The following KIAA0408 variants were observed in gnomAD, a reference collection of about 807,000 sequenced individuals.
KIAA0408 encodes KIAA0408.
Under a neutral mutation model 60.9 loss-of-function variants are expected in KIAA0408, and 51 were observed. The observed-to-expected ratio is 0.84, with a 90% CI of 0.67 to 1.06. KIAA0408 has a LOEUF of 1.06. Among genes scored for constraint, KIAA0408 ranks in the 50% least tolerant of loss-of-function variants. The pLI, the probability that KIAA0408 is intolerant of heterozygous loss-of-function variation, is 0.00. For synonymous variants in KIAA0408, 304 were observed against 282.4 expected, an observed-to-expected ratio of 1.08 and a Z score of -0.77; for missense variants, 787 against 833.9, an observed-to-expected ratio of 0.94 and a Z score of 0.69.
chr6:127,444,171 C>T lies in KIAA0408; in HGVS notation c.2023G>A (p.Ala675Thr). 6.2e-7 allele frequency: 1 copy of T among 1,613,848 alleles called. No individual in the cohort carries two copies. The highest frequency in any genetic ancestry group is 8.5e-7 in the Non-Finnish European group (1 of 1,179,914). Reference sequence around the variant, plus strand: ...TAGTTGTGGGTAGTTCTCCGCAAGGCAGGGGGTGCAGATGGAGATCTGGAT... The same window carrying T: ...TAGTTGTGGGTAGTTCTCCGCAAGGTAGGGGGTGCAGATGGAGATCTGGAT... Reference protein sequence around the residue: ...WASRSPSAPPALRRTTHNYTI... With the variant: ...WASRSPSAPPTLRRTTHNYTI... The change falls in exon 6 of 6, where the codon GCC becomes ACC. Residue 675 changes from alanine to threonine, a missense_variant. By Grantham distance (58) the Ala-to-Thr change is moderately conservative. This residue lies in a region of KIAA0408 where 133 missense variants were observed against 119.2 expected (regional missense o/e 1.12). Coordinates refer to ENST00000483725, the MANE Select transcript of KIAA0408 (RefSeq NM_014702.5).
intron 1 of KIAA0408, among the ~76,000 whole-genome samples, chr6:127,456,123 T>G (rs946882850): frequency 6.6e-5 from 10 of 152,180 alleles, no homozygotes; most frequent in African/African-American, 2.4e-4. Flanking sequence ...CCACTGGAAC[T>G]TCTTAGGAAG....
At position 127,442,261 on chromosome 6, in the gene KIAA0408, AGGAACAGATAGGTTGCACAGTCCTT is replaced by A. The variant is rs1773118721; in HGVS notation, c.*1823_*1847del. 6.6e-6 allele frequency: 1 copy of A among 152,222 alleles called. No individual in the cohort carries two copies. Among genetic ancestry groups the A allele is most frequent in the Admixed American group, 6.5e-5 (1 of 15,276 alleles). The allele number at this position is 152,222 out of a possible 1,614,324, so 9.4% of individuals were successfully genotyped here. A position where few individuals can be genotyped will look rare whatever the true frequency, so the allele number is the denominator to read the frequency against. Reference sequence around the variant, plus strand: ...GACTACTTGGGATACACTGGTGGAGAGGAACAGATAGGTTGCACAGTCCTTGGGCAGGCTCTCCATTGTCACACAA... The same window carrying A: ...GACTACTTGGGATACACTGGTGGAGAGGGCAGGCTCTCCATTGTCACACAA... On this transcript the variant is annotated 3_prime_UTR_variant, in exon 6 of 6. Coordinates refer to ENST00000483725, the MANE Select transcript of KIAA0408 (RefSeq NM_014702.5).
Position 127,453,942 on chromosome 6 carries a change from A to T in KIAA0408, c.40T>A (p.Trp14Arg). Residue 14 changes from tryptophan to arginine, a missense_variant, in exon 2 of 6, where the codon TGG becomes AGG. Trp to Arg is a moderately radical substitution (Grantham distance 101). Coordinates refer to ENST00000483725, the MANE Select transcript of KIAA0408 (RefSeq NM_014702.5). ...AGTAATTCCATCTTTTCCTTATGCC[A>T]GTTAGTCTCTGTGTTCTCCCACTGC... ...HKQWENTETNWHKEKMELLDQ... is the reference protein window; with the variant it reads ...HKQWENTETNRHKEKMELLDQ... 6.2e-7 allele frequency: 1 copy of T among 1,612,914 alleles called. No homozygotes were observed. The highest frequency in any genetic ancestry group is 8.5e-7 in the Non-Finnish European group (1 of 1,179,208).
Position 127,444,264 on chromosome 6 carries a change from C to T in KIAA0408, c.1930G>A (p.Ala644Thr), listed in dbSNP as rs145129455. 3.4e-5 allele frequency: 54 copies of T among 1,594,636 alleles called. 1 individual carries two copies. Among genetic ancestry groups the T allele is most frequent in the Middle Eastern group, 3.4e-4 (2 of 5,944 alleles). ...CGGGAAAATCCTTTTCCATGTGAGG[C>T]GTTCACTGACATGGATTCCTAGGAC... ...KITEESMSVN[A>T]SHGKGFSRPA... Residue 644 changes from alanine (A) to threonine (T), a missense_variant, in exon 6 of 6, where the codon GCC (alanine) becomes ACC (threonine). By Grantham distance (58) the Ala-to-Thr change is moderately conservative. Transcript: ENST00000483725.
chr6:127,454,910 C>T lies in KIAA0408; in HGVS notation c.-120-809G>A, dbSNP rs754361090. 3.3e-5 allele frequency among the ~76,000 whole-genome samples: 5 copies of T among 151,928 alleles called. 1 individual carries two copies. Among genetic ancestry groups the T allele is most frequent in the East Asian group, 1.9e-4 (1 of 5,186 alleles). On this transcript the variant is annotated intron_variant, in intron 1 of 5. Transcript: ENST00000483725. The stretch of plus-strand genomic sequence containing the variant: ...TAATTAACTTTCTAGCCTTCAGGGA[C>T]GTGTACTTAAGGTTTGAAGTCAGAA...
chr6:127,447,968 C>T (rs1430349203), intron 4 of KIAA0408, among the ~76,000 whole-genome samples: 1 of 152,182 alleles, frequency 6.6e-6, no homozygotes, highest in East Asian at 1.9e-4. Context: ...CTGACTCAAA[C>T]TCTTTCCAAA....
Position 127,446,399 on chromosome 6 carries a change from C to A in KIAA0408, c.1911+9G>T. The A allele has an allele frequency of 1.3e-6, 2 of 1,595,796 alleles. No homozygotes were observed. Among genetic ancestry groups the A allele is most frequent in the Non-Finnish European group, 8.6e-7 (1 of 1,167,998 alleles). On this transcript the variant is annotated intron_variant, in intron 5 of 5. Coordinates refer to ENST00000483725, the MANE Select transcript of KIAA0408 (RefSeq NM_014702.5). ...ATGCTACCAAATTATGTTATATTTGCTTTCTCACCTCTGTTATCTTTTTCG... is the reference window on the plus strand; with the variant it reads ...ATGCTACCAAATTATGTTATATTTGATTTCTCACCTCTGTTATCTTTTTCG...
rs199636075 is a variant in KIAA0408 at position 127,453,870 on chromosome 6, T to C, written c.112A>G (p.Ile38Val). The change falls in exon 2 of 6, where the codon ATT (isoleucine) becomes GTT (valine). Residue 38 changes from isoleucine to valine, a missense_variant. Ile to Val is a conservative substitution (Grantham distance 29). This residue lies in a region of KIAA0408 where 640 missense variants were observed against 681.3 expected (regional missense o/e 0.94). Coordinates refer to ENST00000483725, the MANE Select transcript of KIAA0408 (RefSeq NM_014702.5). ...ERKEWESQWK[I>V]MQKKIEELCR... is the part of the protein sequence containing the mutation. ...ACCTCTTCTATTTTCTTCTGCATAA[T>C]CTTCCATTGACTTTCCCATTCCTTT... The C allele has an allele frequency of 2.5e-5, 40 of 1,612,626 alleles. No individual in the cohort carries two copies. In the African/African-American group the frequency reaches 4.8e-4, roughly 19 times the overall value.
In KIAA0408 at chr6:127,441,029, A is replaced by G. The variant is rs1397125910; in HGVS notation, c.*3080T>C. ...GGAAAGAAAAATGTTCTCGATGTAT[A>G]CAAATGCCACAGACAGTTGTTTTTA... On this transcript the variant is annotated 3_prime_UTR_variant, in exon 6 of 6. Transcript: ENST00000483725. 1 of 152,218 alleles carries G rather than the reference A, an allele frequency of 6.6e-6. No individual in the cohort carries two copies. The highest frequency in any genetic ancestry group is 2.4e-5 in the African/African-American group (1 of 41,456). The allele number at this position is 152,218 out of a possible 1,614,324, so 9.4% of individuals were successfully genotyped here.
rs370337031 is a variant in KIAA0408, at chr6:127,447,191, C to T, written c.1128G>A (p.Ser376=). The T allele has an allele frequency of 1.2e-5, 19 of 1,611,856 alleles. No individual in the cohort carries two copies. The highest frequency in any genetic ancestry group is 1.5e-5 in the Non-Finnish European group (18 of 1,179,232). The change falls in exon 5 of 6, where the codon TCG becomes TCA. Residue 376 remains serine (S), a synonymous_variant. Transcript: ENST00000483725. ...GIGAKRSPST[S]WFQKTCSTPS... is the part of the protein sequence containing the mutation. ...GGGTAGAGCAGGTTTTCTGAAACCA[C>T]GAAGTAGAGGGGCTCCTTTTTGCAC...
At position 127,447,359 on chromosome 6, in the gene KIAA0408, C is replaced by T. The variant is rs1583067381; in HGVS notation, c.960G>A (p.Met320Ile). The T allele has an allele frequency of 1.2e-6, 2 of 1,612,406 alleles. No homozygotes were observed. Among genetic ancestry groups the T allele is most frequent in the African/African-American group, 1.3e-5 (1 of 74,920 alleles). The change falls in exon 5 of 6, where the codon ATG (methionine) becomes ATA (isoleucine). Residue 320 changes from methionine (M) to isoleucine (I), a missense_variant. Physicochemically the swap from Met to Ile is conservative, Grantham distance 10. Around this residue, in one of 3 missense-constraint regions of KIAA0408, gnomAD observed 640 missense variants for 681.3 expected, o/e 0.94. Transcript: ENST00000483725. ...NPHFPLRQQE[M>I]SMLYPNEGKT... ...TCCCTTCATTTGGATACAACATAGA[C>T]ATCTCTTGTTGTCTCAAAGGGAAGT...
At chr6:127,444,312 C>T in intron 5 of KIAA0408, 30 bp from the exon 6 acceptor site, 2 of 1,531,422 alleles carry the variant, frequency 1.3e-6, no homozygotes, top group African/African-American at 1.4e-5. Flanking sequence ...ATTCCTCTCA[C>T]TCTCTGGGTA....
At position 127,443,016 on chromosome 6, in the gene KIAA0408, T is replaced by C. The variant is rs1360026329; in HGVS notation, c.*1093A>G. On this transcript the variant is annotated 3_prime_UTR_variant, in exon 6 of 6. Transcript: ENST00000483725. ...TTTTTCGGTAGCAAACTGTGAGAAG[T>C]ATAATTTCAGCTTTCAAAGAAATAT... 1 of 152,170 alleles carries C rather than the reference T, an allele frequency of 6.6e-6. No homozygotes were observed. Among genetic ancestry groups the C allele is most frequent in the Non-Finnish European group, 1.5e-5 (1 of 68,008 alleles). 9.4% of individuals were successfully genotyped at this position (152,170 alleles called of 1,614,324 possible). A position where few individuals can be genotyped will look rare whatever the true frequency, so the allele number is the denominator to read the frequency against.
rs1248499610 is a variant in KIAA0408, at chr6:127,459,372, T to C, written c.-318A>G. On this transcript the variant is annotated 5_prime_UTR_variant, in exon 1 of 6. Coordinates refer to ENST00000483725, the MANE Select transcript of KIAA0408 (RefSeq NM_014702.5). Reference sequence around the variant, plus strand: ...AAGTCCCTTTGAAACCTTCACCACTTTTACAAGTCAAAAAGCTGCTCAGCT... The same window carrying C: ...AAGTCCCTTTGAAACCTTCACCACTCTTACAAGTCAAAAAGCTGCTCAGCT... 1 of 152,106 alleles carries C rather than the reference T, an allele frequency of 6.6e-6. No individual in the cohort carries two copies. Among genetic ancestry groups the C allele is most frequent in the African/African-American group, 2.4e-5 (1 of 41,394 alleles). 9.4% of individuals were successfully genotyped at this position (152,106 alleles called of 1,614,324 possible). A position where few individuals can be genotyped will look rare whatever the true frequency, so the allele number is the denominator to read the frequency against.
intron 5 of KIAA0408, among the ~76,000 whole-genome samples, chr6:127,444,510 T>G (rs911324364): frequency 6.6e-6 from 1 of 152,202 alleles, no homozygotes; most frequent in Non-Finnish European, 1.5e-5. Context: ...TTCCTTACAC[T>G]GACAAATTTT....
In KIAA0408 at chr6:127,447,074, T is replaced by C; in HGVS notation, c.1245A>G (p.Val415=). 1 of 1,613,926 alleles carries C rather than the reference T, an allele frequency of 6.2e-7. No individual in the cohort carries two copies. The part of the protein sequence containing the change: ...LHVSNDCSSS[V]AESSSPLRNF... ...TTCTAAGTGGGCTACTGCTCTCTGCTACTGAGGAGCTACAGTCATTACTTA... is the reference window on the plus strand; with the variant it reads ...TTCTAAGTGGGCTACTGCTCTCTGCCACTGAGGAGCTACAGTCATTACTTA... The change falls in exon 5 of 6, where the codon GTA becomes GTG. Residue 415 remains valine, a synonymous_variant. Coordinates refer to ENST00000483725, the MANE Select transcript of KIAA0408 (RefSeq NM_014702.5).
Position 127,442,772 on chromosome 6 carries a change from A to T in KIAA0408, c.*1337T>A, listed in dbSNP as rs1406317012. The T allele has an allele frequency of 6.6e-6, 1 of 152,242 alleles. No homozygotes were observed. Among genetic ancestry groups the T allele is most frequent in the Non-Finnish European group, 1.5e-5 (1 of 68,034 alleles). 9.4% of individuals were successfully genotyped at this position (152,242 alleles called of 1,614,324 possible). ...CTTAGTAAAAGAAAAGCTTAAATAG[A>T]GTTAATATCTAATAACATAACATAA... On this transcript the variant is annotated 3_prime_UTR_variant, in exon 6 of 6. Coordinates refer to ENST00000483725, the MANE Select transcript of KIAA0408 (RefSeq NM_014702.5).
chr6:127,453,081 CTT>C (rs1414692490), intron 2 of KIAA0408, among the ~76,000 whole-genome samples: 1 of 152,060 alleles, frequency 6.6e-6, no homozygotes. Flanking sequence ...AAAATAACAA[CTT>C]TGGTAATGTG....
intron 2 of KIAA0408, 139 bp downstream of exon 2, chr6:127,453,708 G>C (rs892992990): frequency 1.8e-6 from 2 of 1,084,260 alleles, no homozygotes; most frequent in African/African-American, 3.2e-5. Flanking sequence ...TGCTATTTTT[G>C]TTCTAGTAAA....
Sources: allele counts gnomAD v4.1 joint callset (sites outside exome capture counted in the v4.1 genomes callset), GRCh38; gene constraint gnomAD v4.1.1; regional missense constraint gnomAD v4.1.1; transcripts MANE v1.5; gene names NCBI Gene and HGNC (gene_info 2026-07-23, HGNC 2026-07-21).